The following MILR1 variants were observed in gnomAD, a reference collection of about 807,000 sequenced individuals.
MILR1 encodes the protein allergin-1.
Under a neutral mutation model 18.5 loss-of-function variants are expected in MILR1, and 31 were observed. The ratio of observed to expected loss-of-function variants is 1.68; its 90% CI spans 1.26 to 2.26. The LOEUF (loss-of-function observed/expected upper bound fraction) is 2.26. Ranked by LOEUF, MILR1 falls within the 30% of genes most tolerant of loss-of-function variation. MILR1 has a pLI of 0.00. For synonymous variants in MILR1, 85 were observed against 56.2 expected (o/e 1.51, Z -2.30); for missense variants, 257 against 157.4 (o/e 1.63, Z -3.38).
At chr17:64,455,376 A>T (rs959304105) in intron 3 of MILR1, among the ~76,000 whole-genome samples, 17 of 152,212 alleles carry the variant, frequency 1.1e-4, no homozygotes, top group Non-Finnish European at 2.4e-4. Context: ...GGCCTAAAAC[A>T]TAGTGTTGTC....
At chr17:64,480,423 G>T in the MILR1 span, 1 of 1,015,654 alleles carries the variant, frequency 9.8e-7, no homozygotes, top group South Asian at 1.3e-5. Flanking sequence ...AAATATGAAA[G>T]AAATAATGGT....
At position 64,468,552 on chromosome 17, in the gene MILR1, G is replaced by A. The variant is rs144579768; in HGVS notation, c.*271G>A. 14,796 of 1,063,640 alleles carry A rather than the reference G, an allele frequency of 0.014. 517 individuals are homozygous for A. Among genetic ancestry groups the A allele is most frequent in the African/African-American group, 0.13 (7,398 of 58,578 alleles). 65.9% of individuals were successfully genotyped at this position (1,063,640 alleles called of 1,614,324 possible). On this transcript the variant is annotated 3_prime_UTR_variant, in exon 10 of 10. Transcript: ENST00000619286. The stretch of plus-strand genomic sequence containing the variant: ...GATCTGCCTGCCTCGGCCTCCCAAA[G>A]TGCTGGAACTACAAGCCTGAGCCAC...
At chr17:64,452,093 T>A (rs2037186292) in intron 2 of MILR1, among the ~76,000 whole-genome samples, 1 of 151,142 alleles carries the variant, frequency 6.6e-6, no homozygotes, top group African/African-American at 2.4e-5. Context: ...TTTTTTTTTT[T>A]TTTTGTTCTG....
intron 2 of MILR1, among the ~76,000 whole-genome samples, chr17:64,449,921 A>AATTT (rs1482017900): frequency 6.9e-6 from 1 of 145,748 alleles, no homozygotes; most frequent in African/African-American, 2.7e-5. Flanking sequence ...GTTTGACCTT[A>AATTT]ATTTCTTTCT....
the MILR1 span, among the ~76,000 whole-genome samples, chr17:64,480,829 T>C: frequency 6.6e-6 from 1 of 151,682 alleles, no homozygotes; most frequent in Admixed American, 6.6e-5. Flanking sequence ...AGAAAAAGGA[T>C]GAGAAAAAGG....
the MILR1 span, chr17:64,485,488 T>A: frequency 2.0e-4 from 102 of 514,360 alleles, no homozygotes; most frequent in East Asian, 2.5e-3. Flanking sequence ...GAGATAGCTG[T>A]CTGTTCACAA....
chr17:64,457,658 G>A lies in MILR1; in HGVS notation c.626G>A (p.Ser209Asn). The A allele has an allele frequency of 2.1e-6, 1 of 475,008 alleles. No individual in the cohort carries two copies. Among genetic ancestry groups the A allele is most frequent in the Non-Finnish European group, 3.9e-6 (1 of 259,068 alleles). 29.4% of individuals were successfully genotyped at this position (475,008 alleles called of 1,614,324 possible). A position where few individuals can be genotyped will look rare whatever the true frequency, so the allele number is the denominator to read the frequency against. The stretch of plus-strand genomic sequence containing the variant: ...AGATTGCCTAACTATGCAACATACA[G>A]TCACCCTGTCACCATGCCCTCAACA... ...KNRLPNYATY[S>N]HPVTMPSTGG... Residue 209 changes from serine to asparagine, a missense_variant, in exon 4 of 10, where the codon AGT (serine) becomes AAT (asparagine). Physicochemically the swap from Ser to Asn is conservative, Grantham distance 46. Coordinates refer to ENST00000619286, the MANE Select transcript of MILR1 (RefSeq NM_001085423.2).
chr17:64,450,160 G>A (rs945728204), intron 2 of MILR1, among the ~76,000 whole-genome samples: 10 of 152,040 alleles, frequency 6.6e-5, no homozygotes, highest in Non-Finnish European at 1.2e-4. Flanking sequence ...GGATGGTCTC[G>A]ATCTCCTGAC....
At chr17:64,462,012 C>T (rs1359613238) in intron 5 of MILR1, among the ~76,000 whole-genome samples, 1 of 152,106 alleles carries the variant, frequency 6.6e-6, no homozygotes, top group African/African-American at 2.4e-5. Context: ...CATTTATCCC[C>T]CATGGGTACC....
the MILR1 span, chr17:64,496,513 A>C: frequency 2.5e-6 from 4 of 1,613,464 alleles, no homozygotes; most frequent in Non-Finnish European, 2.5e-6. Context: ...TTTCGCGTAG[A>C]GTTTCTGCAG....
intron 3 of MILR1, 40 bp from the exon 4 acceptor site, chr17:64,457,360 A>T (rs2037322320): frequency 8.6e-6 from 4 of 467,114 alleles, no homozygotes; most frequent in African/African-American, 2.0e-5. Context: ...GAGCACACCC[A>T]GTCTGTTTAT....
chr17:64,455,309 T>C (rs1022092522), intron 3 of MILR1, among the ~76,000 whole-genome samples: 11 of 152,320 alleles, frequency 7.2e-5, no homozygotes, highest in African/African-American at 2.2e-4. Flanking sequence ...GCCAGATCAA[T>C]AGGCACTACG....
the MILR1 span, chr17:64,477,767 G>T: frequency 6.8e-7 from 1 of 1,477,330 alleles, no homozygotes; most frequent in South Asian, 1.4e-5. Flanking sequence ...AAATCTAAGT[G>T]AACATAAGAC....
chr17:64,490,616 T>C, the MILR1 span: 1 of 620,626 alleles, frequency 1.6e-6, no homozygotes, highest in Non-Finnish European at 2.9e-6. Context: ...CAATAGTGGA[T>C]TACTGTTAAT....
At chr17:64,464,892 C>T (rs1408803807) in intron 5 of MILR1, among the ~76,000 whole-genome samples, 6 of 150,162 alleles carry the variant, frequency 4.0e-5, no homozygotes, top group African/African-American at 1.5e-4. Flanking sequence ...CCATGGCACT[C>T]CAGCCTGGGC....
the MILR1 span, chr17:64,491,816 C>A: frequency 4.3e-6 from 2 of 467,114 alleles, no homozygotes; most frequent in Non-Finnish European, 7.9e-6. Context: ...ACTCCCCCAG[C>A]AACCTTCTTG....
At chr17:64,496,748 T>C in the MILR1 span, 1 of 1,614,048 alleles carries the variant, frequency 6.2e-7, no homozygotes, top group Non-Finnish European at 8.5e-7. Flanking sequence ...ATGCCTTCTC[T>C]GACAGATCTC....
At chr17:64,489,286 T>C in the MILR1 span, among the ~76,000 whole-genome samples, 1 of 136,784 alleles carries the variant, frequency 7.3e-6, no homozygotes, top group East Asian at 2.1e-4. Context: ...AAAAAAAAAA[T>C]GGAGGAGAAG....
At chr17:64,486,630 C>T in the MILR1 span, among the ~76,000 whole-genome samples, 2 of 152,114 alleles carry the variant, frequency 1.3e-5, no homozygotes, top group African/African-American at 2.4e-5. Flanking sequence ...TCCCAAAGTG[C>T]TGGGATTACA....
Sources: gnomAD v4.1 joint callset for allele counts (sites outside exome capture counted in the v4.1 genomes callset) on GRCh38, gnomAD v4.1.1 for gene constraint, MANE v1.5 for transcripts, NCBI Gene and HGNC (gene_info 2026-07-23, HGNC 2026-07-21) for gene names.